RANBP2: variants seen among roughly 807,000 people sequenced by gnomAD.
RANBP2 encodes RAN binding protein 2, also known as E3 SUMO-protein ligase RanBP2.
Under a neutral mutation model 303.6 loss-of-function variants are expected in RANBP2, and 57 were observed. That is an observed-to-expected ratio of 0.19 (90% CI 0.15 to 0.23). The LOEUF is 0.23. Ranked by LOEUF, RANBP2 falls within the 10% of genes least tolerant of loss-of-function variation. The probability of loss-of-function intolerance (pLI) is 1.00; values close to 1 mark genes in which losing one functional copy is unlikely to be tolerated. For synonymous variants in RANBP2, 1,167 were observed against 1,301.5 expected, an observed-to-expected ratio of 0.90 and a Z score of 2.23; for missense variants, 3,138 against 3,780.8, an observed-to-expected ratio of 0.83 and a Z score of 4.46.
the RANBP2 span, among the ~76,000 whole-genome samples, chr2:109,621,175 A>T: frequency 2.0e-5 from 3 of 152,100 alleles, no homozygotes; most frequent in African/African-American, 7.2e-5. Flanking sequence ...TCTTTTTGAG[A>T]TGGAGTCTTG....
chr2:109,653,123 G>A, the RANBP2 span, among the ~76,000 whole-genome samples: 7 of 152,120 alleles, frequency 4.6e-5, no homozygotes, highest in Non-Finnish European at 8.8e-5. Flanking sequence ...GTGGCTGGGC[G>A]TTGTGGCTCA....
the RANBP2 span, among the ~76,000 whole-genome samples, chr2:109,085,171 G>A: frequency 6.6e-6 from 1 of 152,182 alleles, no homozygotes; most frequent in African/African-American, 2.4e-5. Flanking sequence ...AGGGAGCTGA[G>A]CCCATTCCCG....
the RANBP2 span, among the ~76,000 whole-genome samples, chr2:109,694,021 G>C: frequency 2.0e-5 from 3 of 152,198 alleles, no homozygotes; most frequent in Admixed American, 2.0e-4. Flanking sequence ...ATGCCTGTGT[G>C]TGTGCATGTG....
At chr2:109,218,493 G>C in the RANBP2 span, among the ~76,000 whole-genome samples, 1 of 152,262 alleles carries the variant, frequency 6.6e-6, no homozygotes, top group African/African-American at 2.4e-5. Flanking sequence ...TGCTTATTAG[G>C]CAGAAATAGA....
the RANBP2 span, among the ~76,000 whole-genome samples, chr2:109,462,444 T>C: frequency 6.6e-6 from 1 of 152,062 alleles, no homozygotes. Context: ...CACCACCTGG[T>C]TAAGCTTATG....
the RANBP2 span, among the ~76,000 whole-genome samples, chr2:109,404,540 C>T: frequency 6.6e-5 from 10 of 152,090 alleles, no homozygotes; most frequent in Admixed American, 5.2e-4. Flanking sequence ...GCCACAAGCA[C>T]AGTCAAGGTC....
At chr2:108,823,464 T>TAAA in the RANBP2 span, among the ~76,000 whole-genome samples, 1 of 152,224 alleles carries the variant, frequency 6.6e-6, no homozygotes, top group South Asian at 2.1e-4. Flanking sequence ...AATGTATTGT[T>TAAA]AGGTGACTTT....
At chr2:109,719,243 T>C in the RANBP2 span, among the ~76,000 whole-genome samples, 5 of 149,256 alleles carry the variant, frequency 3.3e-5, no homozygotes, top group African/African-American at 7.4e-5. Context: ...ATTACAGGCA[T>C]GCACCACCAC....
chr2:108,870,901 G>A, the RANBP2 span, among the ~76,000 whole-genome samples: 1 of 152,112 alleles, frequency 6.6e-6, no homozygotes. Flanking sequence ...TGGTTGCACA[G>A]TAATGTGAAT....
the RANBP2 span, among the ~76,000 whole-genome samples, chr2:109,414,090 G>A: frequency 6.6e-6 from 1 of 152,154 alleles, no homozygotes; most frequent in Non-Finnish European, 1.5e-5. Context: ...TCTGTTTATT[G>A]GGCTGCCCCA....
chr2:108,888,041 T>C, the RANBP2 span, among the ~76,000 whole-genome samples: 3 of 152,276 alleles, frequency 2.0e-5, no homozygotes, highest in South Asian at 2.1e-4. Context: ...AAGTTTCTTC[T>C]ATGCCTAGTT....
At chr2:108,820,389 AAGG>A in the RANBP2 span, among the ~76,000 whole-genome samples, 21 of 152,286 alleles carry the variant, frequency 1.4e-4, no homozygotes, top group South Asian at 2.5e-3. Context: ...GAGAAGAGAG[AAGG>A]AGAAGGAGGA....
the RANBP2 span, among the ~76,000 whole-genome samples, chr2:109,016,369 G>C: frequency 6.6e-6 from 1 of 152,114 alleles, no homozygotes; most frequent in Non-Finnish European, 1.5e-5. Context: ...TTACAGGCGT[G>C]AGCCACCGCG....
chr2:109,493,020 C>T, the RANBP2 span, among the ~76,000 whole-genome samples: 1 of 152,082 alleles, frequency 6.6e-6, no homozygotes, highest in African/African-American at 2.4e-5. Flanking sequence ...ACTCACCACA[C>T]ATACACCATA....
chr2:109,208,033 C>T, the RANBP2 span, among the ~76,000 whole-genome samples: 21 of 152,294 alleles, frequency 1.4e-4, no homozygotes, highest in Admixed American at 1.4e-3. Flanking sequence ...CTTTAGCATG[C>T]GATTTGTTAA....
At chr2:109,212,005 A>T in the RANBP2 span, among the ~76,000 whole-genome samples, 1 of 152,182 alleles carries the variant, frequency 6.6e-6, no homozygotes, top group Admixed American at 6.5e-5. Context: ...GAATTCAATA[A>T]ATGACTGATT....
At chr2:108,811,247 C>CTTTTTTTTTTTTTTTTTTTTTTTTTTT in the RANBP2 span, among the ~76,000 whole-genome samples, 4 of 113,906 alleles carry the variant, frequency 3.5e-5, no homozygotes, top group Admixed American at 9.9e-5. Context: ...TTCTCTCTCT[C>CTTTTTTTTTTTTTTTTTTTTTTTTTTT]TTTTTTTTTT....
At chr2:108,780,143 C>G (rs1249846023) in intron 25 of RANBP2, among the ~76,000 whole-genome samples, 1 of 150,262 alleles carries the variant, frequency 6.7e-6, no homozygotes, top group Non-Finnish European at 1.5e-5. Context: ...TAAATGTACT[C>G]TGTACTCAAC....
the RANBP2 span, among the ~76,000 whole-genome samples, chr2:109,405,290 G>A: frequency 3.9e-5 from 6 of 152,022 alleles, no homozygotes; most frequent in Admixed American, 6.5e-5. Flanking sequence ...GTTCCTCAAG[G>A]AGTCACCACT....
Sources: gnomAD v4.1 joint callset for allele counts (sites outside exome capture counted in the v4.1 genomes callset) on GRCh38, gnomAD v4.1.1 for gene constraint, MANE v1.5 for transcripts, NCBI Gene and HGNC (gene_info 2026-07-23, HGNC 2026-07-21) for gene names.